The following KIRREL3 variants were observed in gnomAD, a reference collection of about 807,000 sequenced individuals.
KIRREL3 encodes kin of IRRE-like protein 3.
KIRREL3 carries 36 observed loss-of-function variants against 89.7 expected under a neutral mutation model. That is an observed-to-expected ratio of 0.40 (90% CI 0.31 to 0.53). The LOEUF (loss-of-function observed/expected upper bound fraction) is 0.53, where lower values mean the gene tolerates loss of function less well. Ranked by LOEUF, KIRREL3 falls within the 20% of genes least tolerant of loss-of-function variation. The pLI, the probability that KIRREL3 is intolerant of heterozygous loss-of-function variation, is 0.49. For missense variants in KIRREL3, 864 were observed against 1,056.6 expected (o/e 0.82, Z 2.53); for synonymous variants, 445 against 441.4 (o/e 1.01, Z -0.10).
In KIRREL3 at chr11:126,826,983, G is replaced by C. The variant is rs527416573; in HGVS notation, c.55+173472C>G. The stretch of plus-strand genomic sequence containing the variant: ...GGTCATCCCCCTCCCTTTTCAGGCT[G>C]CTGGGATTATGGTGGGCAGAGGGCT... On this transcript the variant is annotated intron_variant, in intron 1 of 16. Coordinates refer to ENST00000525144, the MANE Select transcript of KIRREL3 (RefSeq NM_032531.4). Among the ~76,000 whole-genome samples the C allele has an allele frequency of 3.9e-5, 6 of 152,280 alleles. No homozygotes were observed. In the South Asian group the frequency reaches 1.2e-3, roughly 32 times the overall value.
At chr11:126,958,872 T>C (rs1474349342) in intron 1 of KIRREL3, among the ~76,000 whole-genome samples, 2 of 152,216 alleles carry the variant, frequency 1.3e-5, no homozygotes, top group African/African-American at 2.4e-5. Flanking sequence ...GACTGGGTTA[T>C]AAAATTCCCA....
intron 4 of KIRREL3, among the ~76,000 whole-genome samples, chr11:126,483,054 G>A (rs933061004): frequency 1.3e-5 from 2 of 152,240 alleles, no homozygotes; most frequent in Non-Finnish European, 2.9e-5. Flanking sequence ...AGAGCTAGCT[G>A]TAAAAAATTC....
At chr11:126,625,917 C>A (rs1227345327) in intron 1 of KIRREL3, among the ~76,000 whole-genome samples, 1 of 152,174 alleles carries the variant, frequency 6.6e-6, no homozygotes, top group Non-Finnish European at 1.5e-5. Context: ...TCCTATTGAA[C>A]TTACTGATTT....
intron 4 of KIRREL3, among the ~76,000 whole-genome samples, chr11:126,503,080 C>T (rs1957912073): frequency 1.3e-5 from 2 of 152,198 alleles, no homozygotes; most frequent in Middle Eastern, 3.2e-3. Flanking sequence ...ATTTTTCCTC[C>T]CTCGTTCTTG....
Position 126,495,956 on chromosome 11 carries a change from C to T in KIRREL3, c.434-22490G>A, listed in dbSNP as rs1957644603. Among the ~76,000 whole-genome samples, 1 of 152,220 alleles carries T rather than the reference C, an allele frequency of 6.6e-6. No individual in the cohort carries two copies. Among genetic ancestry groups the T allele is most frequent in the Non-Finnish European group, 1.5e-5 (1 of 68,040 alleles). On this transcript the variant is annotated intron_variant, in intron 4 of 16. Coordinates refer to ENST00000525144, the MANE Select transcript of KIRREL3 (RefSeq NM_032531.4). This position sits in a 1 kb window ranked among gnomAD's most constrained non-coding sequence, Gnocchi z 6.5. ...TTGAAACATGCACAGATCATCCTTT[C>T]TCAGTATCTGCACTGCTACTACCCC...
rs1949944404 is a variant in KIRREL3 at position 126,769,230 on chromosome 11, T to C, written c.56-206318A>G. ...CTAATATGGCACACGGTGTAATACATTGCCATTACCTGCTTATGTGTCCTC... is the reference window on the plus strand; with the variant it reads ...CTAATATGGCACACGGTGTAATACACTGCCATTACCTGCTTATGTGTCCTC... On this transcript the variant is annotated intron_variant, in intron 1 of 16. Transcript: ENST00000525144. This position sits in a 1 kb window ranked among gnomAD's most constrained non-coding sequence, Gnocchi z 4.3. Among the ~76,000 whole-genome samples the C allele has an allele frequency of 6.6e-6, 1 of 152,166 alleles. No homozygotes were observed. Among genetic ancestry groups the C allele is most frequent in the East Asian group, 1.9e-4 (1 of 5,188 alleles).
rs2134861741 is a variant in KIRREL3, at chr11:126,904,583, CTT to C, written c.55+95870_55+95871del. Among the ~76,000 whole-genome samples, 1 of 152,312 alleles carries C rather than the reference CTT, an allele frequency of 6.6e-6. No individual in the cohort carries two copies. The highest frequency in any genetic ancestry group is 6.5e-5 in the Admixed American group (1 of 15,300). ...GCTGCTGATGGCTTCCTACTAATGA[CTT>C]TAAATACATGTTTTTGACATCAGGA... On this transcript the variant is annotated intron_variant, in intron 1 of 16. Coordinates refer to ENST00000525144, the MANE Select transcript of KIRREL3 (RefSeq NM_032531.4). This position sits in a 1 kb window ranked among gnomAD's most constrained non-coding sequence, Gnocchi z 4.4.
At chr11:126,968,423 A>T (rs1275946312) in intron 1 of KIRREL3, among the ~76,000 whole-genome samples, 1 of 152,206 alleles carries the variant, frequency 6.6e-6, no homozygotes, top group Non-Finnish European at 1.5e-5. Context: ...ATTTCAATCA[A>T]TGGGTTTGGA....
rs1404666995 is a variant in KIRREL3, at chr11:126,955,355, C to T, written c.55+45100G>A. On this transcript the variant is annotated intron_variant, in intron 1 of 16. Transcript: ENST00000525144. The surrounding 1 kb of genome is among the most constrained non-coding windows in gnomAD (Gnocchi z 4.6). ...CTGCCCGTGGTTTTTAATTAATACA[C>T]TGGGCTCCCTAACAAAGGGGAGGAG... Among the ~76,000 whole-genome samples, 1 of 152,206 alleles carries T rather than the reference C, an allele frequency of 6.6e-6. No individual in the cohort carries two copies.
chr11:126,630,927 G>A (rs898359116), intron 1 of KIRREL3, among the ~76,000 whole-genome samples: 2 of 152,134 alleles, frequency 1.3e-5, no homozygotes, highest in African/African-American at 4.8e-5. Flanking sequence ...CTCCACCCGA[G>A]TCAAGGCTCC....
At chr11:126,444,853 C>T in intron 10 of KIRREL3, 126 bp downstream of exon 10, 2 of 1,266,166 alleles carry the variant, frequency 1.6e-6, no homozygotes, top group Non-Finnish European at 2.2e-6. Context: ...TGTTGTCTAC[C>T]CATAGTTGGA....
In KIRREL3 at chr11:126,947,147, C is replaced by T. The variant is rs144115417; in HGVS notation, c.55+53308G>A. 3.3e-3 allele frequency among the ~76,000 whole-genome samples: 508 copies of T among 152,238 alleles called. 2 individuals carry two copies. The highest frequency in any genetic ancestry group is 0.016 in the South Asian group (76 of 4,822). On this transcript the variant is annotated intron_variant, in intron 1 of 16. Coordinates refer to ENST00000525144, the MANE Select transcript of KIRREL3 (RefSeq NM_032531.4). ...TGTCCTTTTCCAACTTAGCTCCTCT[C>T]GTTTATGAGCCAACCATCTCCATGG...
chr11:126,641,103 A>T lies in KIRREL3; in HGVS notation c.56-78191T>A, dbSNP rs1944452297. Among the ~76,000 whole-genome samples, 1 of 152,202 alleles carries T rather than the reference A, an allele frequency of 6.6e-6. No homozygotes were observed. Among genetic ancestry groups the T allele is most frequent in the Non-Finnish European group, 1.5e-5 (1 of 68,040 alleles). Reference sequence around the variant, plus strand: ...ACGGTCTTCTTCATCTTTGAAGAAGATGATAAACTTGTCAGTGGCAATTTT... The same window carrying T: ...ACGGTCTTCTTCATCTTTGAAGAAGTTGATAAACTTGTCAGTGGCAATTTT... On this transcript the variant is annotated intron_variant, in intron 1 of 16. Transcript: ENST00000525144. The surrounding 1 kb of genome is among the most constrained non-coding windows in gnomAD (Gnocchi z 5.0).
Position 126,923,212 on chromosome 11 carries a change from T to C in KIRREL3, c.55+77243A>G, listed in dbSNP as rs184217140. ...CTCTTCTTCTTCTTCTTCTTCTTCTTCTTCTTCTTCTTCTTCTTCTTCTTC... is the reference window on the plus strand; with the variant it reads ...CTCTTCTTCTTCTTCTTCTTCTTCTCCTTCTTCTTCTTCTTCTTCTTCTTC... On this transcript the variant is annotated intron_variant, in intron 1 of 16. Transcript: ENST00000525144. Among the ~76,000 whole-genome samples, 42 of 15,528 alleles carry C rather than the reference T, an allele frequency of 2.7e-3. 5 individuals are homozygous for C. Among genetic ancestry groups the C allele is most frequent in the East Asian group, 4.8e-3 (5 of 1,044 alleles). The allele number at this position is 15,528 out of a possible 152,430, so 10.2% of individuals were successfully genotyped here. A position where few individuals can be genotyped will look rare whatever the true frequency, so the allele number is the denominator to read the frequency against.
intron 1 of KIRREL3, among the ~76,000 whole-genome samples, chr11:126,700,827 C>T (rs1326227481): frequency 6.6e-6 from 1 of 152,214 alleles, no homozygotes; most frequent in Non-Finnish European, 1.5e-5. Flanking sequence ...ATCTTCTTTA[C>T]AGGCATTCAC....
Position 126,492,984 on chromosome 11 carries a change from C to G in KIRREL3, c.434-19518G>C, listed in dbSNP as rs774592728. 1.3e-5 allele frequency among the ~76,000 whole-genome samples: 2 copies of G among 152,212 alleles called. No individual in the cohort carries two copies. Among genetic ancestry groups the G allele is most frequent in the Non-Finnish European group, 2.9e-5 (2 of 68,038 alleles). On this transcript the variant is annotated intron_variant, in intron 4 of 16. Coordinates refer to ENST00000525144, the MANE Select transcript of KIRREL3 (RefSeq NM_032531.4). The surrounding 1 kb of genome is among the most constrained non-coding windows in gnomAD (Gnocchi z 4.8). ...GACCCAAAAGGCCGTAGAACAGCCT[C>G]GGTGCTGCGGCTAACTGACAGGGGG...
At chr11:126,603,045 C>A (rs994977238) in intron 1 of KIRREL3, among the ~76,000 whole-genome samples, 1 of 152,148 alleles carries the variant, frequency 6.6e-6, no homozygotes, top group Non-Finnish European at 1.5e-5. Context: ...GAACATGCTC[C>A]TCCAAGTTCA....
In KIRREL3 at chr11:126,551,730, A is replaced by G. The variant is rs182404514; in HGVS notation, c.133+11105T>C. Among the ~76,000 whole-genome samples, 2 of 150,850 alleles carry G rather than the reference A, an allele frequency of 1.3e-5. No individual in the cohort carries two copies. The highest frequency in any genetic ancestry group is 3.0e-5 in the Non-Finnish European group (2 of 67,772). ...AATGGTGTGACCTCGGCTCACTGCA[A>G]CCTCTCCTGGGTTCAAGCGATTCTC... On this transcript the variant is annotated intron_variant, in intron 2 of 16. Coordinates refer to ENST00000525144, the MANE Select transcript of KIRREL3 (RefSeq NM_032531.4). The surrounding 1 kb of genome is among the most constrained non-coding windows in gnomAD (Gnocchi z 4.9).
chr11:126,437,739 C>T (rs1042897769), intron 11 of KIRREL3, among the ~76,000 whole-genome samples: 1 of 152,196 alleles, frequency 6.6e-6, no homozygotes, highest in African/African-American at 2.4e-5. Context: ...TGCACACACA[C>T]ACCAAGATGC....
Sources: gnomAD v4.1 joint callset for allele counts (sites outside exome capture counted in the v4.1 genomes callset) on GRCh38, gnomAD v4.1.1 for gene constraint, Gnocchi (gnomAD v3.1) non-coding constraint, MANE v1.5 for transcripts, NCBI Gene and HGNC (gene_info 2026-07-23, HGNC 2026-07-21) for gene names.